HIVEP1: variants seen among roughly 807,000 people sequenced by gnomAD.
HIVEP1 encodes the protein HIVEP zinc finger 1, also known as zinc finger protein 40.
A neutral mutation model predicts 180.0 loss-of-function variants in HIVEP1; 36 were observed. The ratio of observed to expected loss-of-function variants is 0.20; its 90% CI spans 0.15 to 0.26. HIVEP1 has a LOEUF of 0.26. HIVEP1 is among the 10% of genes least tolerant of loss of function. HIVEP1 has a pLI of 1.00. For missense variants in HIVEP1, 3,143 were observed against 3,268.7 expected (o/e 0.96, Z 0.94); for synonymous variants, 1,239 against 1,239.0 (o/e 1.00, Z 0.00).
the HIVEP1 span, among the ~76,000 whole-genome samples, chr6:12,181,558 A>C: frequency 6.6e-6 from 1 of 151,700 alleles, no homozygotes; most frequent in Non-Finnish European, 1.5e-5. Flanking sequence ...CTACAGGCGC[A>C]TGCCACCATG....
intron 2 of HIVEP1, among the ~76,000 whole-genome samples, chr6:12,064,904 C>A (rs965317045): frequency 1.3e-5 from 2 of 152,190 alleles, no homozygotes; most frequent in African/African-American, 2.4e-5. Context: ...TATGTTCTTT[C>A]CCTCCAACAG....
At chr6:12,067,171 A>T (rs1771651616) in intron 2 of HIVEP1, among the ~76,000 whole-genome samples, 1 of 152,134 alleles carries the variant, frequency 6.6e-6, no homozygotes. Flanking sequence ...TTAATTAAAA[A>T]ACTAACTTTT....
Position 12,163,910 on chromosome 6 carries a change from G to A in HIVEP1, c.7606G>A (p.Ala2536Thr), listed in dbSNP as rs368105021. The change falls in exon 9 of 9, where the codon GCC (alanine) becomes ACC (threonine). Residue 2536 changes from alanine to threonine, a missense_variant. Transcript: ENST00000379388. ...TANPSSQSSP[A>T]PQAHIPGLQI... ...AAACCCTTCATCACAAAGCAGCCCC[G>A]CCCCTCAGGCACACATTCCAGGTCT... 52 of 1,613,918 alleles carry A rather than the reference G, an allele frequency of 3.2e-5. No individual in the cohort carries two copies. The highest frequency in any genetic ancestry group is 2.2e-4 in the South Asian group (20 of 91,074).
chr6:12,173,415 A>C, the HIVEP1 span, among the ~76,000 whole-genome samples: 2 of 152,172 alleles, frequency 1.3e-5, no homozygotes, highest in Admixed American at 1.3e-4. Flanking sequence ...TGCAGACTTT[A>C]TGAGGGAAAG....
At chr6:12,031,514 A>G (rs903194502) in intron 2 of HIVEP1, among the ~76,000 whole-genome samples, 3 of 152,080 alleles carry the variant, frequency 2.0e-5, no homozygotes, top group Non-Finnish European at 4.4e-5. Context: ...TTCTCTTGCT[A>G]TTGGGATTGC....
chr6:12,149,048 T>C (rs1357338323), intron 7 of HIVEP1, among the ~76,000 whole-genome samples: 1 of 152,080 alleles, frequency 6.6e-6, no homozygotes, highest in African/African-American at 2.4e-5. Flanking sequence ...AGTATGAAAA[T>C]TGTCTTCTCT....
At chr6:12,161,083 A>G (rs953708581) in intron 7 of HIVEP1, among the ~76,000 whole-genome samples, 6 of 152,230 alleles carry the variant, frequency 3.9e-5, no homozygotes, top group Non-Finnish European at 7.3e-5. Flanking sequence ...TGAACTCTTT[A>G]TTAATTTTAT....
upstream of HIVEP1, chr6:12,007,920 C>T (rs1197621617): frequency 6.6e-6 from 1 of 152,024 alleles, no homozygotes; most frequent in African/African-American, 2.4e-5. Flanking sequence ...ATCCTGTCTC[C>T]ATTAATTTGT....
chr6:12,051,113 C>T (rs1278520911), intron 2 of HIVEP1, among the ~76,000 whole-genome samples: 6 of 148,762 alleles, frequency 4.0e-5, no homozygotes, highest in Middle Eastern at 3.3e-3. Context: ...TCTCTCACAG[C>T]GAGAATGCTT....
chr6:12,057,599 C>T (rs981265191), intron 2 of HIVEP1, among the ~76,000 whole-genome samples: 1 of 152,112 alleles, frequency 6.6e-6, no homozygotes, highest in African/African-American at 2.4e-5. Context: ...GAGATGATGA[C>T]TGTGTTATAG....
At position 12,122,506 on chromosome 6, in the gene HIVEP1, A is replaced by G; in HGVS notation, c.2711A>G (p.Asp904Gly). The G allele has an allele frequency of 6.2e-7, 1 of 1,614,086 alleles. No individual in the cohort carries two copies. The highest frequency in any genetic ancestry group is 1.7e-5 in the Admixed American group (1 of 60,018). Reference sequence around the variant, plus strand: ...CTTGTGAGACAAGCAGCCATAGAAGACTCTTCAGCAAATGAAAGTCATGTT... The same window carrying G: ...CTTGTGAGACAAGCAGCCATAGAAGGCTCTTCAGCAAATGAAAGTCATGTT... ...RTLVRQAAIE[D>G]SSANESHVLG... The change falls in exon 4 of 9, where the codon GAC (aspartate) becomes GGC (glycine). Residue 904 changes from aspartate (D) to glycine (G), a missense_variant. This residue lies in a region of HIVEP1 where 204 missense variants were observed against 243.7 expected (regional missense o/e 0.84). Coordinates refer to ENST00000379388, the MANE Select transcript of HIVEP1 (RefSeq NM_002114.4).
chr6:12,146,822 A>G (rs908379146), intron 7 of HIVEP1, among the ~76,000 whole-genome samples: 1 of 151,972 alleles, frequency 6.6e-6, no homozygotes, highest in Non-Finnish European at 1.5e-5. Context: ...TGTGTGCACA[A>G]TTACTATCGC....
At chr6:12,059,635 A>G (rs1267475833) in intron 2 of HIVEP1, among the ~76,000 whole-genome samples, 1 of 152,042 alleles carries the variant, frequency 6.6e-6, no homozygotes, top group Non-Finnish European at 1.5e-5. Flanking sequence ...TGCTGTTTCT[A>G]ACCATCATGC....
the HIVEP1 span, among the ~76,000 whole-genome samples, chr6:12,205,203 G>A: frequency 3.9e-5 from 6 of 152,244 alleles, no homozygotes; most frequent in African/African-American, 4.8e-5. Context: ...TGGGCGCGGT[G>A]GCTCATGCCT....
At chr6:12,026,214 A>G (rs979692456) in intron 2 of HIVEP1, among the ~76,000 whole-genome samples, 1 of 152,218 alleles carries the variant, frequency 6.6e-6, no homozygotes, top group East Asian at 1.9e-4. Flanking sequence ...TAAGAGCAAC[A>G]TAAAGGAACA....
intron 7 of HIVEP1, among the ~76,000 whole-genome samples, chr6:12,152,271 T>C (rs1016359623): frequency 5.3e-5 from 8 of 152,188 alleles, no homozygotes; most frequent in African/African-American, 1.7e-4. Context: ...CACAGAGTCA[T>C]ATATGACAAG....
chr6:12,203,259 G>A, the HIVEP1 span, among the ~76,000 whole-genome samples: 17 of 152,198 alleles, frequency 1.1e-4, no homozygotes, highest in African/African-American at 2.4e-4. Flanking sequence ...AGAAAGATCC[G>A]TATGGAATGT....
chr6:12,054,757 A>G lies in HIVEP1; in HGVS notation c.41-34427A>G, dbSNP rs1008400760. On this transcript the variant is annotated intron_variant, in intron 2 of 8. Coordinates refer to ENST00000379388, the MANE Select transcript of HIVEP1 (RefSeq NM_002114.4). The stretch of plus-strand genomic sequence containing the variant: ...TTTTCTGATTAACATACATGATTTC[A>G]TGACATAGCATATTATTTGATGTTG... Among the ~76,000 whole-genome samples the G allele has an allele frequency of 1.1e-4, 17 of 152,188 alleles. 1 individual carries two copies. The highest frequency in any genetic ancestry group is 3.9e-4 in the African/African-American group (16 of 41,458).
chr6:12,054,772 A>G (rs900120492), intron 2 of HIVEP1, among the ~76,000 whole-genome samples: 4 of 152,124 alleles, frequency 2.6e-5, no homozygotes, highest in African/African-American at 9.7e-5. Context: ...ATAGCATATT[A>G]TTTGATGTTG....
Sources: allele counts gnomAD v4.1 joint callset (sites outside exome capture counted in the v4.1 genomes callset), GRCh38; gene constraint gnomAD v4.1.1; regional missense constraint gnomAD v4.1.1; transcripts MANE v1.5; gene names NCBI Gene and HGNC (gene_info 2026-07-23, HGNC 2026-07-21).